Variants in RGS6 observed in about 807,000 individuals in gnomAD.
RGS6 encodes the protein regulator of G-protein signaling 6.
RGS6 carries 30 observed loss-of-function variants against 78.5 expected under a neutral mutation model. The ratio of observed to expected loss-of-function variants is 0.38; its 90% CI spans 0.29 to 0.52. The LOEUF is 0.52. Ranked by LOEUF, RGS6 falls within the 20% of genes least tolerant of loss-of-function variation. The probability of loss-of-function intolerance (pLI) is 0.85; values close to 1 mark genes in which losing one functional copy is unlikely to be tolerated. For missense variants in RGS6, 495 were observed against 609.7 expected, an observed-to-expected ratio of 0.81 and a Z score of 1.98; for synonymous variants, 206 against 206.0, an observed-to-expected ratio of 1.00 and a Z score of 0.00.
intron 2 of RGS6, among the ~76,000 whole-genome samples, chr14:72,131,971 C>T (rs140768872): frequency 6.6e-6 from 1 of 152,298 alleles, no homozygotes; most frequent in African/African-American, 2.4e-5. Flanking sequence ...TCATGAACTA[C>T]TCCAGAGGCC....
intron 3 of RGS6, among the ~76,000 whole-genome samples, chr14:72,431,625 T>C (rs2094644546): frequency 6.6e-6 from 1 of 152,096 alleles, no homozygotes; most frequent in Non-Finnish European, 1.5e-5. Context: ...TCAAGTGAAG[T>C]GCCCACCTCA....
At chr14:72,491,548 G>C (rs1294587852) in intron 12 of RGS6, among the ~76,000 whole-genome samples, 2 of 152,108 alleles carry the variant, frequency 1.3e-5, no homozygotes, top group South Asian at 4.1e-4. Context: ...AAGATACAAA[G>C]TTTACGTAAT....
chr14:71,964,057 T>C (rs1452172599), intron 1 of RGS6, among the ~76,000 whole-genome samples: 1 of 152,114 alleles, frequency 6.6e-6, no homozygotes, highest in Non-Finnish European at 1.5e-5. Context: ...TATAATAATC[T>C]TAATGGGTAT....
intron 2 of RGS6, among the ~76,000 whole-genome samples, chr14:72,154,370 T>G (rs2096739818): frequency 6.6e-6 from 1 of 152,200 alleles, no homozygotes; most frequent in Non-Finnish European, 1.5e-5. Context: ...CTTATGAAGA[T>G]AACGGTATTA....
At chr14:72,064,690 G>A (rs1325724736) in intron 2 of RGS6, among the ~76,000 whole-genome samples, 3 of 152,234 alleles carry the variant, frequency 2.0e-5, no homozygotes, top group African/African-American at 7.2e-5. Context: ...CTTGAATGAG[G>A]AGATAAAACT....
At chr14:72,473,015 TAAAGA>T in intron 9 of RGS6, 62 bp downstream of exon 9, 2 of 1,226,118 alleles carry the variant, frequency 1.6e-6, no homozygotes, top group East Asian at 2.5e-5. Flanking sequence ...TTTATCTCTA[TAAAGA>T]AAAGACCGTC....
chr14:72,275,813 T>C (rs1468683994), intron 2 of RGS6, among the ~76,000 whole-genome samples: 3 of 152,196 alleles, frequency 2.0e-5, no homozygotes, highest in Non-Finnish European at 2.9e-5. Flanking sequence ...TGGAAAATTA[T>C]AACCAAAGTG....
chr14:71,909,289 A>G, the RGS6 span, among the ~76,000 whole-genome samples: 1 of 152,166 alleles, frequency 6.6e-6, no homozygotes, highest in Non-Finnish European at 1.5e-5. Flanking sequence ...CTTGCCTTGA[A>G]TTCTTTTCTG....
At chr14:72,522,017 G>A (rs2097050550) in intron 15 of RGS6, among the ~76,000 whole-genome samples, 1 of 152,158 alleles carries the variant, frequency 6.6e-6, no homozygotes, top group Non-Finnish European at 1.5e-5. Context: ...CTATTTTGGT[G>A]TATTTTCTTC....
intron 3 of RGS6, among the ~76,000 whole-genome samples, chr14:72,370,884 G>A (rs771076230): frequency 2.0e-5 from 3 of 152,042 alleles, no homozygotes; most frequent in East Asian, 1.9e-4. Flanking sequence ...AAGTCAGTTC[G>A]GTGAATAAAG....
At chr14:71,877,803 C>T in the RGS6 span, among the ~76,000 whole-genome samples, 2 of 152,186 alleles carry the variant, frequency 1.3e-5, no homozygotes, top group East Asian at 1.9e-4. Flanking sequence ...GTTTCTCCCC[C>T]TCTTTGTGGT....
intron 2 of RGS6, among the ~76,000 whole-genome samples, chr14:72,015,859 G>T (rs186849635): frequency 2.0e-4 from 31 of 152,168 alleles, no homozygotes; most frequent in African/African-American, 7.5e-4. Context: ...TCTGAGTTTC[G>T]TCTTTTGTGA....
chr14:71,956,355 G>GTA (rs34565698), intron 1 of RGS6, among the ~76,000 whole-genome samples: 61,101 of 126,408 alleles, frequency 0.48, 12,825 homozygotes, highest in Non-Finnish European at 0.52. Flanking sequence ...GTGTGTGTGT[G>GTA]TGTATATTCT....
At chr14:72,252,545 G>A (rs2056071566) in intron 2 of RGS6, among the ~76,000 whole-genome samples, 1 of 152,296 alleles carries the variant, frequency 6.6e-6, no homozygotes, top group Non-Finnish European at 1.5e-5. Context: ...CTGTTAGCCT[G>A]TACAAATCTG....
the RGS6 span, among the ~76,000 whole-genome samples, chr14:71,884,076 C>A: frequency 6.6e-6 from 1 of 152,286 alleles, no homozygotes; most frequent in Non-Finnish European, 1.5e-5. Flanking sequence ...GCCTCAAATT[C>A]TTTCTTGTGT....
rs1162701521 is a variant in RGS6 at position 72,180,738 on chromosome 14, G to A, written c.85-171357G>A. On this transcript the variant is annotated intron_variant, in intron 2 of 17. Coordinates refer to ENST00000553525, the MANE Select transcript of RGS6 (RefSeq NM_001204424.2). ...GACGTGGGGCCCTTGGGAGGTGATT[G>A]AATCGATGCTGTTATCATGGGAATG... Among the ~76,000 whole-genome samples the A allele has an allele frequency of 3.3e-5, 5 of 152,168 alleles. 1 individual carries two copies. Among genetic ancestry groups the A allele is most frequent in the African/African-American group, 1.2e-4 (5 of 41,436 alleles).
the RGS6 span, among the ~76,000 whole-genome samples, chr14:71,916,433 T>TTTTGATAAAC: frequency 6.6e-6 from 1 of 152,144 alleles, no homozygotes; most frequent in Admixed American, 6.5e-5. Flanking sequence ...TTTTGGTAAA[T>TTTTGATAAAC]AGGTCTCTGT....
chr14:72,381,640 A>C (rs79390573), intron 3 of RGS6, among the ~76,000 whole-genome samples: 13,126 of 152,108 alleles, frequency 0.086, 1,119 homozygotes, highest in African/African-American at 0.22. Context: ...AAGTGAAAGG[A>C]ATGTATCACT....
At chr14:72,346,286 A>G (rs1052918448) in intron 2 of RGS6, among the ~76,000 whole-genome samples, 2 of 152,182 alleles carry the variant, frequency 1.3e-5, no homozygotes, top group Non-Finnish European at 2.9e-5. Flanking sequence ...TCATTGGATC[A>G]TGAATTTATA....
Sources: gnomAD v4.1 joint callset for allele counts (sites outside exome capture counted in the v4.1 genomes callset) on GRCh38, gnomAD v4.1.1 for gene constraint, MANE v1.5 for transcripts, NCBI Gene and HGNC (gene_info 2026-07-23, HGNC 2026-07-21) for gene names.